The following SCN1A variants were observed in gnomAD, a reference collection of about 807,000 sequenced individuals.
SCN1A encodes sodium channel protein type 1 subunit alpha.
In SCN1A, 13 loss-of-function variants were observed where a neutral mutation model predicts 193.7. The ratio of observed to expected loss-of-function variants is 0.07; its 90% CI spans 0.04 to 0.11. SCN1A has a LOEUF of 0.11. SCN1A is among the 10% of genes least tolerant of loss of function. The probability of loss-of-function intolerance (pLI) is 1.00; values close to 1 mark genes in which losing one functional copy is unlikely to be tolerated. For missense variants in SCN1A, 1,432 were observed against 2,451.1 expected, an observed-to-expected ratio of 0.58 and a Z score of 8.78; for synonymous variants, 781 against 843.6, an observed-to-expected ratio of 0.93 and a Z score of 1.29.
At chr2:166,128,739 T>C (rs1015566927), upstream of SCN1A, among the ~76,000 whole-genome samples, 1 of 152,176 alleles carries the variant, frequency 6.6e-6, no homozygotes, top group African/African-American at 2.4e-5. Context: ...TAAAGCTTAA[T>C]TATAATAACA....
At chr2:166,003,501 G>C (rs1483282808) in intron 23 of SCN1A, among the ~76,000 whole-genome samples, 1 of 151,322 alleles carries the variant, frequency 6.6e-6, no homozygotes, top group Non-Finnish European at 1.5e-5. Flanking sequence ...ATCACATGAA[G>C]TTCTGTGTTC....
At chr2:166,070,223 CAT>C (rs1248634679) in intron 4 of SCN1A, among the ~76,000 whole-genome samples, 2 of 152,176 alleles carry the variant, frequency 1.3e-5, no homozygotes, top group Non-Finnish European at 2.9e-5. Flanking sequence ...ATAACTCAAT[CAT>C]GTGTTCTAAG....
chr2:166,141,664 A>G (rs570604981), intron 1 of SCN1A, among the ~76,000 whole-genome samples: 1 of 152,136 alleles, frequency 6.6e-6, no homozygotes, highest in East Asian at 1.9e-4. Flanking sequence ...AGATGGATAT[A>G]CCAAAGTTTA....
intron 25 of SCN1A, 21 bp downstream of exon 25, chr2:165,999,696 AAGACTT>A (rs1341707320): frequency 2.6e-6 from 4 of 1,514,204 alleles, no homozygotes; most frequent in South Asian, 1.1e-5. Flanking sequence ...ATATTGTAAA[AAGACTT>A]AGAATACAAG....
At chr2:166,065,092 A>T (rs1683696621) in intron 4 of SCN1A, among the ~76,000 whole-genome samples, 1 of 152,208 alleles carries the variant, frequency 6.6e-6, no homozygotes, top group Admixed American at 6.5e-5. Flanking sequence ...TTAATGAAGT[A>T]CAATTCTGAA....
At chr2:166,129,851 C>T (rs372410526), upstream of SCN1A, among the ~76,000 whole-genome samples, 4 of 152,040 alleles carry the variant, frequency 2.6e-5, no homozygotes, top group East Asian at 7.7e-4. Flanking sequence ...AGTTCTTCTC[C>T]CCTGATCCTT....
intron 2 of SCN1A, among the ~76,000 whole-genome samples, chr2:166,105,915 C>T (rs1258468546): frequency 6.6e-6 from 1 of 152,176 alleles, no homozygotes; most frequent in Admixed American, 6.5e-5. Flanking sequence ...GGGCCGGGCG[C>T]GGTGGCTCAC....
chr2:166,071,494 C>T (rs2105972147), intron 4 of SCN1A: 1 of 151,664 alleles, frequency 6.6e-6, no homozygotes, highest in Non-Finnish European at 1.5e-5. Context: ...GTAGTGATTC[C>T]TAAAGTAAAT....
Position 165,988,954 on chromosome 2 carries a change from A to G in SCN1A, c.*2291T>C, listed in dbSNP as rs1559091300. 1 of 151,632 alleles carries G rather than the reference A, an allele frequency of 6.6e-6. No homozygotes were observed. Among genetic ancestry groups the G allele is most frequent in the Non-Finnish European group, 1.5e-5 (1 of 67,928 alleles). 9.4% of individuals were successfully genotyped at this position (151,632 alleles called of 1,614,324 possible). A position where few individuals can be genotyped will look rare whatever the true frequency, so the allele number is the denominator to read the frequency against. On this transcript the variant is annotated 3_prime_UTR_variant, in exon 29 of 29. Coordinates refer to ENST00000674923, the MANE Select transcript of SCN1A (RefSeq NM_001165963.4). Reference sequence around the variant, plus strand: ...ACAGAGAACACACCTGCTGCTTGTAATTCTGGGAGGTCATTACCCCCTACC... The same window carrying G: ...ACAGAGAACACACCTGCTGCTTGTAGTTCTGGGAGGTCATTACCCCCTACC...
rs121918771 is a variant in SCN1A, at chr2:166,051,793, G to A, written c.890C>T (p.Thr297Ile). 1.4e-5 allele frequency: 23 copies of A among 1,610,272 alleles called. No homozygotes were observed. The highest frequency in any genetic ancestry group is 1.7e-4 in the Middle Eastern group (1 of 6,038). The change falls in exon 9 of 29, where the codon ACT becomes ATT. Residue 297 changes from threonine (T) to isoleucine (I), a missense_variant. By Grantham distance (89) the Thr-to-Ile change is moderately conservative (BLOSUM62 -1). Coordinates refer to ENST00000674923, the MANE Select transcript of SCN1A (RefSeq NM_001165963.4). ...TATAAGTGTACCATTATAATTCACA[G>A]TTATATTCTTTTCTATACTATGTTC... The part of the protein sequence containing the change: ...LEEHSIEKNI[T>I]VNYNGTLINE...
rs1299755550 is a variant in SCN1A, at chr2:166,065,909, A to T, written c.265-7221T>A. Among the ~76,000 whole-genome samples, 3 of 152,332 alleles carry T rather than the reference A, an allele frequency of 2.0e-5. No homozygotes were observed. The East Asian group carries it at 5.8e-4, about 29-fold the overall frequency. Reference sequence around the variant, plus strand: ...ATTTTCTGATTTATAAATGCCAGAAAATAATTCAAAATTATAAATAATTTT... The same window carrying T: ...ATTTTCTGATTTATAAATGCCAGAATATAATTCAAAATTATAAATAATTTT... On this transcript the variant is annotated intron_variant, in intron 4 of 28. Transcript: ENST00000674923.
At chr2:166,145,921 A>C (rs1692302978) in intron 1 of SCN1A, among the ~76,000 whole-genome samples, 1 of 152,326 alleles carries the variant, frequency 6.6e-6, no homozygotes, top group South Asian at 2.1e-4. Flanking sequence ...CATACTAAGA[A>C]GAGAAAAATT....
rs777596738 is a variant in SCN1A, at chr2:166,046,808, T to C, written c.1339A>G (p.Met447Val). Residue 447 changes from methionine (M) to valine (V), a missense_variant, in exon 12 of 29, where the codon ATG (methionine) becomes GTG (valine). Physicochemically the swap from Met to Val is conservative, Grantham distance 21 (BLOSUM62 1). Around this residue, in one of 18 missense-constraint regions of SCN1A, gnomAD observed 58 missense variants for 103.4 expected, o/e 0.56. Coordinates refer to ENST00000674923, the MANE Select transcript of SCN1A (RefSeq NM_001165963.4). ...TGTTGCTTTTTAAGCTGTTCAATCA[T>C]CTGCTGAAATTCGGCCTCTTTCTGT... ...AEQKEAEFQQ[M>V]IEQLKKQQEA... 15 of 1,613,716 alleles carry C rather than the reference T, an allele frequency of 9.3e-6. No individual in the cohort carries two copies. In the South Asian group the frequency reaches 1.6e-4, roughly 18 times the overall value.
At chr2:166,030,773 C>A (rs2114760) in intron 19 of SCN1A, among the ~76,000 whole-genome samples, 111,964 of 151,768 alleles carry the variant, frequency 0.74, 41,678 homozygotes, top group East Asian at 0.89. Context: ...ATCAACCAAA[C>A]CTCAAAAAAT....
chr2:166,019,494 A>G (rs1189371438), intron 19 of SCN1A, among the ~76,000 whole-genome samples: 2 of 152,190 alleles, frequency 1.3e-5, no homozygotes, highest in Non-Finnish European at 2.9e-5. Flanking sequence ...TGATTCTGCA[A>G]TATCACTCTT....
At chr2:166,103,816 C>T (rs914369915) in intron 2 of SCN1A, among the ~76,000 whole-genome samples, 1 of 152,156 alleles carries the variant, frequency 6.6e-6, no homozygotes, top group South Asian at 2.1e-4. Context: ...TAACTTTAGA[C>T]TTTACCATAC....
intron 1 of SCN1A, among the ~76,000 whole-genome samples, chr2:166,140,828 C>T (rs1272307192): frequency 2.0e-5 from 3 of 152,124 alleles, no homozygotes; most frequent in Non-Finnish European, 4.4e-5. Flanking sequence ...TGTGAAGACA[C>T]GGACCGCGCA....
Position 166,002,458 on chromosome 2 carries a change from T to C in SCN1A, c.4284+14A>G, listed in dbSNP as rs370074740. ...AAACAATAAAAATATTCAGAGAAAA[T>C]AGTGTTCACTTACAACTTGAAGCAA... On this transcript the variant is annotated intron_variant, in intron 24 of 28. Coordinates refer to ENST00000674923, the MANE Select transcript of SCN1A (RefSeq NM_001165963.4). The C allele has an allele frequency of 5.6e-6, 9 of 1,605,864 alleles. No homozygotes were observed. The highest frequency in any genetic ancestry group is 1.3e-5 in the African/African-American group (1 of 74,568).
At chr2:166,042,480 A>G in intron 14 of SCN1A, 56 bp from the exon 15 acceptor site, 1 of 1,543,214 alleles carries the variant, frequency 6.5e-7, no homozygotes, top group South Asian at 1.1e-5. Context: ...ATGACAAGCA[A>G]ACAACCAAAT....
Sources: allele counts gnomAD v4.1 joint callset (sites outside exome capture counted in the v4.1 genomes callset), GRCh38; gene constraint gnomAD v4.1.1; regional missense constraint gnomAD v4.1.1; transcripts MANE v1.5; gene names NCBI Gene and HGNC (gene_info 2026-07-23, HGNC 2026-07-21).